Variants in RP2 observed in about 807,000 individuals in gnomAD.
RP2 encodes protein XRP2.
A neutral mutation model predicts 20.3 loss-of-function variants in RP2; 3 were observed. That is an observed-to-expected ratio of 0.15 (90% CI 0.07 to 0.38). The LOEUF is 0.38. Among genes scored for constraint, RP2 ranks in the 10% least tolerant of loss-of-function variants. The pLI is 1.00. For synonymous variants in RP2, 75 were observed against 94.8 expected, an observed-to-expected ratio of 0.79 and a Z score of 1.22; for missense variants, 233 against 268.5, an observed-to-expected ratio of 0.87 and a Z score of 0.92.
At chrX:46,848,283 A>G (rs369797028) in intron 1 of RP2, among the ~76,000 whole-genome samples, 3 of 109,857 alleles carry the variant, frequency 2.7e-5, no homozygotes, top group East Asian at 2.8e-4. Context: ...TAAGATGTTC[A>G]TTTTTGTTTT....
In RP2 at chrX:46,879,938, ATAAT is replaced by A. The variant is rs1925443507; in HGVS notation, c.*171_*174del. ...TACATCATTTACTTGAGGTTCAAAA[ATAAT>A]TCATTTTAAATTAAGTAGTTTTAAT... On this transcript the variant is annotated 3_prime_UTR_variant, in exon 5 of 5. Transcript: ENST00000218340. 2 of 344,602 alleles carry A rather than the reference ATAAT, an allele frequency of 5.8e-6. No individual in the cohort carries two copies. Among genetic ancestry groups the A allele is most frequent in the Non-Finnish European group, 1.0e-5 (2 of 196,370 alleles). The allele number at this position is 344,602 out of a possible 1,213,427, so 28.4% of individuals were successfully genotyped here. A position where few individuals can be genotyped will look rare whatever the true frequency, so the allele number is the denominator to read the frequency against.
intron 4 of RP2, 35 bp downstream of exon 4, chrX:46,877,625 TTTTCA>T: frequency 1.0e-6 from 1 of 956,445 alleles, no homozygotes; most frequent in Non-Finnish European, 1.5e-6. Context: ...TCAATCTAAC[TTTTCA>T]TTTCATCTCC....
intron 3 of RP2, among the ~76,000 whole-genome samples, chrX:46,874,574 G>T: frequency 9.0e-6 from 1 of 110,642 alleles, no homozygotes; most frequent in African/African-American, 3.3e-5. Flanking sequence ...AAAACTCATT[G>T]TTTGCTAAAA....
chrX:46,860,188 C>T, intron 3 of RP2, 86 bp downstream of exon 3: 1 of 625,352 alleles, frequency 1.6e-6, no homozygotes, highest in Non-Finnish European at 2.7e-6. Flanking sequence ...ATTTGTTTTA[C>T]ATTGCCTTCT....
At chrX:46,854,205 C>CT in intron 2 of RP2, 64 bp downstream of exon 2, 1 of 1,066,621 alleles carries the variant, frequency 9.4e-7, no homozygotes, top group Non-Finnish European at 1.3e-6. Context: ...CTCTGGAGTA[C>CT]TTCCATTCTT....
chrX:46,846,328 C>A (rs1924713781), intron 1 of RP2, among the ~76,000 whole-genome samples: 2 of 111,590 alleles, frequency 1.8e-5, no homozygotes, highest in Admixed American at 1.9e-4. Flanking sequence ...TGGCTCACAC[C>A]TGTAATCACA....
chrX:46,879,958 T>C lies in RP2; in HGVS notation c.*189T>C, dbSNP rs1556328436. On this transcript the variant is annotated 3_prime_UTR_variant, in exon 5 of 5. Transcript: ENST00000218340. The stretch of plus-strand genomic sequence containing the variant: ...CAAAAATAATTCATTTTAAATTAAG[T>C]AGTTTTAATCAGCTTAAAAGCTATT... The C allele has an allele frequency of 3.0e-5, 10 of 329,066 alleles. No homozygotes were observed. Among genetic ancestry groups the C allele is most frequent in the Non-Finnish European group, 5.3e-5 (10 of 188,370 alleles). 27.1% of individuals were successfully genotyped at this position (329,066 alleles called of 1,213,427 possible).
chrX:46,846,486 C>T (rs1924716705), intron 1 of RP2, among the ~76,000 whole-genome samples: 1 of 109,832 alleles, frequency 9.1e-6, no homozygotes, highest in African/African-American at 3.3e-5. Context: ...ACTTGGGAGG[C>T]TGAGACAGGA....
chrX:46,857,195 A>G (rs1924976397), intron 2 of RP2, among the ~76,000 whole-genome samples: 1 of 111,373 alleles, frequency 9.0e-6, no homozygotes, highest in Non-Finnish European at 1.9e-5. Flanking sequence ...GAAGTCCAAA[A>G]AGGCTGGGTA....
intron 3 of RP2, among the ~76,000 whole-genome samples, chrX:46,874,456 T>A (rs1925340844): frequency 9.0e-6 from 1 of 111,469 alleles, no homozygotes; most frequent in South Asian, 3.7e-4. Context: ...TTAAAGTACT[T>A]TTTAAACTCA....
At chrX:46,879,604 C>A in intron 4 of RP2, 82 bp from the exon 5 acceptor site, 1 of 571,697 alleles carries the variant, frequency 1.7e-6, no homozygotes, top group Admixed American at 2.9e-5. Context: ...TAGCTTGGAA[C>A]TTTGTTCTGT....
intron 3 of RP2, among the ~76,000 whole-genome samples, chrX:46,870,400 C>T (rs1556325867): frequency 4.5e-5 from 5 of 110,828 alleles, no homozygotes; most frequent in South Asian, 3.8e-4. Context: ...TGAGCCACCA[C>T]GCCCAGCCCC....
At chrX:46,864,843 C>T (rs1480412819) in intron 3 of RP2, among the ~76,000 whole-genome samples, 1 of 111,954 alleles carries the variant, frequency 8.9e-6, no homozygotes, top group Non-Finnish European at 1.9e-5. Flanking sequence ...GGGAGTAATT[C>T]ATTCAATTAT....
chrX:46,869,606 CTTTT>C (rs1196606271), intron 3 of RP2, among the ~76,000 whole-genome samples: 1 of 54,456 alleles, frequency 1.8e-5, no homozygotes. Context: ...TTCATACATA[CTTTT>C]TTTTTTTTTT....
intron 3 of RP2, among the ~76,000 whole-genome samples, chrX:46,871,194 G>A (rs782382005): frequency 9.3e-6 from 1 of 107,446 alleles, no homozygotes; most frequent in Admixed American, 1.0e-4. Flanking sequence ...GCTAATATTT[G>A]TATTTTCAGT....
chrX:46,857,876 G>T, intron 2 of RP2, among the ~76,000 whole-genome samples: 1 of 112,267 alleles, frequency 8.9e-6, no homozygotes, highest in Admixed American at 9.5e-5. Context: ...AAGAGAGGTA[G>T]AATTGTTTCT....
chrX:46,878,234 G>A (rs950044321), intron 4 of RP2, among the ~76,000 whole-genome samples: 6 of 109,593 alleles, frequency 5.5e-5, no homozygotes, highest in South Asian at 4.0e-4. Flanking sequence ...AAAATTAGCC[G>A]GGCGTAGTGG....
At chrX:46,855,714 G>A (rs1217466818) in intron 2 of RP2, among the ~76,000 whole-genome samples, 1 of 110,595 alleles carries the variant, frequency 9.0e-6, no homozygotes, top group African/African-American at 3.3e-5. Context: ...CAGTCCACCC[G>A]CCTCGGCCTC....
At chrX:46,858,017 C>T (rs1924995819) in intron 2 of RP2, among the ~76,000 whole-genome samples, 2 of 111,542 alleles carry the variant, frequency 1.8e-5, no homozygotes, top group South Asian at 7.3e-4. Flanking sequence ...TAATAAAATT[C>T]GATGGAATGG....
Sources: gnomAD v4.1 joint callset for allele counts (sites outside exome capture counted in the v4.1 genomes callset) on GRCh38, gnomAD v4.1.1 for gene constraint, MANE v1.5 for transcripts, NCBI Gene and HGNC (gene_info 2026-07-23, HGNC 2026-07-21) for gene names.